NR3C1: variants seen among roughly 807,000 people sequenced by gnomAD.
NR3C1 encodes glucocorticoid receptor.
NR3C1 carries 14 observed loss-of-function variants against 74.0 expected under a neutral mutation model. The ratio of observed to expected loss-of-function variants is 0.19; its 90% CI spans 0.12 to 0.30. The LOEUF (loss-of-function observed/expected upper bound fraction) is 0.30. NR3C1 is among the 10% of genes least tolerant of loss of function. NR3C1 has a pLI of 1.00. For missense variants in NR3C1, 695 were observed against 909.8 expected (o/e 0.76, Z 3.04); for synonymous variants, 308 against 332.5 (o/e 0.93, Z 0.80).
At chr5:143,313,270 C>CT (rs1415485774) in intron 3 of NR3C1, among the ~76,000 whole-genome samples, 15 of 152,144 alleles carry the variant, frequency 9.9e-5, no homozygotes, top group Admixed American at 5.2e-4. Flanking sequence ...ATTTCTCATT[C>CT]TTTAGGGAGA....
intron 2 of NR3C1, among the ~76,000 whole-genome samples, chr5:143,373,463 G>A (rs1433288849): frequency 6.6e-6 from 1 of 151,710 alleles, no homozygotes; most frequent in Non-Finnish European, 1.5e-5. Context: ...CATTTATCGG[G>A]GGGTGGGGGG....
At chr5:143,385,715 T>G (rs1299223448) in intron 2 of NR3C1, among the ~76,000 whole-genome samples, 2 of 152,206 alleles carry the variant, frequency 1.3e-5, no homozygotes, top group Non-Finnish European at 2.9e-5. Context: ...TGAGACCACC[T>G]CAGCCTGGAC....
At position 143,279,287 on chromosome 5, in the gene NR3C1, T is replaced by C; in HGVS notation, c.*2602A>G. The stretch of plus-strand genomic sequence containing the variant: ...TCGATGAGCATCAGTTGACTTATTA[T>C]TGACAACGAAGTGCACATAATCTTC... On this transcript the variant is annotated 3_prime_UTR_variant, in exon 9 of 9. Coordinates refer to ENST00000394464, the MANE Select transcript of NR3C1 (RefSeq NM_000176.3). The C allele has an allele frequency of 6.7e-7, 1 of 1,500,178 alleles. No homozygotes were observed. The allele number at this position is 1,500,178 out of a possible 1,614,324, so 92.9% of individuals were successfully genotyped here.
chr5:143,345,565 TGACAATAAACAGTGCAG>T (rs1829126918), intron 2 of NR3C1, among the ~76,000 whole-genome samples: 1 of 152,322 alleles, frequency 6.6e-6, no homozygotes, highest in South Asian at 2.1e-4. Context: ...TTCAAATGCA[TGACAATAAACAGTGCAG>T]TTTAAAAATG....
intron 2 of NR3C1, among the ~76,000 whole-genome samples, chr5:143,336,792 C>A (rs11745958): frequency 6.6e-6 from 1 of 150,784 alleles, no homozygotes; most frequent in Non-Finnish European, 1.5e-5. Context: ...CAAGTCCAGC[C>A]TGTCAACATG....
intron 2 of NR3C1, chr5:143,389,821 A>C: frequency 2.9e-6 from 1 of 350,680 alleles, no homozygotes; most frequent in Non-Finnish European, 4.0e-6. Context: ...GAACAAAGTA[A>C]GAGGTTCAAG....
In NR3C1 at chr5:143,281,874, T is replaced by C. The variant is rs374080656; in HGVS notation, c.*15A>G. 6.2e-7 allele frequency: 1 copy of C among 1,611,696 alleles called. No homozygotes were observed. The highest frequency in any genetic ancestry group is 1.1e-5 in the South Asian group (1 of 91,028). The stretch of plus-strand genomic sequence containing the variant: ...AATTCGACTTTCTTTAAGGCAACCA[T>C]TCTTATTAAGGCAGTCACTTTTGAT... On this transcript the variant is annotated 3_prime_UTR_variant, in exon 9 of 9. Transcript: ENST00000394464.
chr5:143,403,287 CGCAGAAGGA>C lies in NR3C1; in HGVS notation c.-99_-91del. The C allele has an allele frequency of 1.0e-6, 1 of 985,460 alleles. No individual in the cohort carries two copies. The allele number at this position is 985,460 out of a possible 1,614,324, so 61.0% of individuals were successfully genotyped here. A position where few individuals can be genotyped will look rare whatever the true frequency, so the allele number is the denominator to read the frequency against. The stretch of plus-strand genomic sequence containing the variant: ...CGAGATAAACAACTTAGCTTGTGAA[CGCAGAAGGA>C]GCAGGAGGGAAATATATTTTTTTTT... On this transcript the variant is annotated 5_prime_UTR_variant, in exon 1 of 9. Coordinates refer to ENST00000394464, the MANE Select transcript of NR3C1 (RefSeq NM_000176.3).
At chr5:143,325,248 G>A (rs554807597) in intron 2 of NR3C1, among the ~76,000 whole-genome samples, 52 of 152,254 alleles carry the variant, frequency 3.4e-4, no homozygotes, top group African/African-American at 1.2e-3. Context: ...GAATCATGGC[G>A]GGAGGCAAAA....
intron 1 of NR3C1, among the ~76,000 whole-genome samples, chr5:143,423,537 G>A (rs993839592): frequency 5.9e-5 from 9 of 152,114 alleles, no homozygotes; most frequent in African/African-American, 2.2e-4. Flanking sequence ...ATGGAGAACA[G>A]TATGAAGGTT....
At chr5:143,311,828 G>C (rs185420231) in intron 3 of NR3C1, among the ~76,000 whole-genome samples, 1 of 136,978 alleles carries the variant, frequency 7.3e-6, no homozygotes, top group African/African-American at 2.8e-5. Context: ...ACGGGGTCTC[G>C]TTATGTTGCT....
At chr5:143,366,371 G>A (rs373760990) in intron 2 of NR3C1, among the ~76,000 whole-genome samples, 101 of 152,084 alleles carry the variant, frequency 6.6e-4, no homozygotes, top group African/African-American at 2.3e-3. Flanking sequence ...TTAGCCAGGC[G>A]TGGTGGTGGG....
intron 2 of NR3C1, among the ~76,000 whole-genome samples, chr5:143,365,385 T>C (rs544220520): frequency 6.6e-6 from 1 of 152,320 alleles, no homozygotes; most frequent in South Asian, 2.1e-4. Flanking sequence ...GAAGTGGCTA[T>C]ACTAATATAG....
At position 143,333,081 on chromosome 5, in the gene NR3C1, C is replaced by A. The variant is rs1214872056; in HGVS notation, c.1185-18913G>T. On this transcript the variant is annotated intron_variant, in intron 2 of 8. Coordinates refer to ENST00000394464, the MANE Select transcript of NR3C1 (RefSeq NM_000176.3). The stretch of plus-strand genomic sequence containing the variant: ...AGACCTCATTCATGAAATTGCCTTC[C>A]CAGGGAAGCATTTCCAGGAGATCTC... 12 of 1,594,802 alleles carry A rather than the reference C, an allele frequency of 7.5e-6. No homozygotes were observed. The African/African-American group carries it at 8.0e-5, about 11-fold the overall frequency.
chr5:143,279,228 C>A lies in NR3C1; in HGVS notation c.*2661G>T. On this transcript the variant is annotated 3_prime_UTR_variant, in exon 9 of 9. Transcript: ENST00000394464. The stretch of plus-strand genomic sequence containing the variant: ...CACGTATCCTAAAAGGGCACAGCTT[C>A]TTTTCCCATTTAATGAAAAGCCTCC... 1 of 995,844 alleles carries A rather than the reference C, an allele frequency of 1.0e-6. No individual in the cohort carries two copies. The allele number at this position is 995,844 out of a possible 1,614,324, so 61.7% of individuals were successfully genotyped here. A position where few individuals can be genotyped will look rare whatever the true frequency, so the allele number is the denominator to read the frequency against.
chr5:143,303,248 G>T, intron 4 of NR3C1, among the ~76,000 whole-genome samples: 1 of 144,906 alleles, frequency 6.9e-6, no homozygotes, highest in African/African-American at 2.5e-5. Flanking sequence ...TATGTGGGTG[G>T]GGGGGCGGGT....
rs1751636490 is a variant in NR3C1 at position 143,428,265 on chromosome 5, A to G, written c.-14+6267T>C. 3.3e-5 allele frequency among the ~76,000 whole-genome samples: 5 copies of G among 152,270 alleles called. No individual in the cohort carries two copies. The South Asian group carries it at 1.0e-3, about 32-fold the overall frequency. On this transcript the variant is annotated intron_variant, in intron 1 of 8. Coordinates refer to the NR3C1 transcript ENST00000343796. ...CCCTGAAAATGCCATCTCATTCAGG[A>G]GCTTGCTTTCAATTTCCTTAAGAGG...
chr5:143,326,799 A>T (rs1824703742), intron 2 of NR3C1, among the ~76,000 whole-genome samples: 1 of 152,222 alleles, frequency 6.6e-6, no homozygotes, highest in East Asian at 1.9e-4. Context: ...TAGAAATGAG[A>T]TGTCTTGCCA....
intron 2 of NR3C1, among the ~76,000 whole-genome samples, chr5:143,385,293 T>A (rs921579563): frequency 2.0e-5 from 3 of 152,226 alleles, no homozygotes; most frequent in Admixed American, 6.5e-5. Flanking sequence ...TGACATGCCC[T>A]GGAAACATTT....
Sources: gnomAD v4.1 joint callset for allele counts (sites outside exome capture counted in the v4.1 genomes callset) on GRCh38, gnomAD v4.1.1 for gene constraint, MANE v1.5 for transcripts, NCBI Gene and HGNC (gene_info 2026-07-23, HGNC 2026-07-21) for gene names.